TMEM25: variants seen among roughly 807,000 people sequenced by gnomAD.
TMEM25 encodes the protein 0610039J01Rik.
Under a neutral mutation model 37.0 loss-of-function variants are expected in TMEM25, and 36 were observed. The ratio of observed to expected loss-of-function variants is 0.97; its 90% CI spans 0.75 to 1.28. The LOEUF (loss-of-function observed/expected upper bound fraction) is 1.28, where lower values mean the gene tolerates loss of function less well. Among genes scored for constraint, TMEM25 ranks in the 50% most tolerant of loss-of-function variants. TMEM25 has a pLI of 0.00. For synonymous variants in TMEM25, 197 were observed against 203.7 expected, an observed-to-expected ratio of 0.97 and a Z score of 0.28; for missense variants, 444 against 477.9, an observed-to-expected ratio of 0.93 and a Z score of 0.66.
chr11:118,535,431 G>A lies in TMEM25; in HGVS notation c.*851G>A. 6.8e-7 allele frequency: 1 copy of A among 1,472,458 alleles called. No individual in the cohort carries two copies. The highest frequency in any genetic ancestry group is 1.3e-5 in the South Asian group (1 of 74,372). The allele number at this position is 1,472,458 out of a possible 1,614,324, so 91.2% of individuals were successfully genotyped here. A position where few individuals can be genotyped will look rare whatever the true frequency, so the allele number is the denominator to read the frequency against. On this transcript the variant is annotated 3_prime_UTR_variant, in exon 9 of 9. Transcript: ENST00000313236. Reference sequence around the variant, plus strand: ...GAGTGAGGGGCCCAGAGCCCTCTTTGTGGCTTCCCCACGTTTGGCCTTCTG... The same window carrying A: ...GAGTGAGGGGCCCAGAGCCCTCTTTATGGCTTCCCCACGTTTGGCCTTCTG...
At chr11:118,545,637 GC>G in intron 8 of TMEM25, 1 of 1,072,044 alleles carries the variant, frequency 9.3e-7, no homozygotes, top group Non-Finnish European at 1.4e-6. Context: ...AGTCACATAA[GC>G]CAAACACCAC....
In TMEM25 at chr11:118,534,189, A is replaced by G; in HGVS notation, c.937+60A>G. ...ATCTCCAGAAGTGCTTCTGAGAAAA[A>G]GAACTTGGTGCTTGGGAGGGGCGAG... On this transcript the variant is annotated intron_variant, in intron 7 of 8. Coordinates refer to ENST00000313236, the MANE Select transcript of TMEM25 (RefSeq NM_032780.4). This position sits in a 1 kb window ranked among gnomAD's most constrained non-coding sequence, Gnocchi z 4.6. 1.2e-6 allele frequency: 2 copies of G among 1,613,328 alleles called. No homozygotes were observed. Among genetic ancestry groups the G allele is most frequent in the Non-Finnish European group, 1.7e-6 (2 of 1,179,380 alleles).
rs782139269 is a variant in TMEM25 at position 118,533,245 on chromosome 11, G to T, written c.673+38G>T. ...AGCAAGCGGCCCTGCAAAGCTTCAG[G>T]TGGGCTCAGGGGTCCCGTCCCCATA... On this transcript the variant is annotated intron_variant, in intron 4 of 8. Coordinates refer to ENST00000313236, the MANE Select transcript of TMEM25 (RefSeq NM_032780.4). The T allele has an allele frequency of 1.6e-5, 25 of 1,564,748 alleles. No homozygotes were observed. The East Asian group carries it at 5.2e-4, about 32-fold the overall frequency.
intron 8 of TMEM25, chr11:118,544,939 T>C: frequency 6.2e-7 from 1 of 1,613,404 alleles, no homozygotes; most frequent in African/African-American, 1.3e-5. Flanking sequence ...AATGTCTCCA[T>C]GTCTCCAGCT....
downstream of TMEM25, among the ~76,000 whole-genome samples, chr11:118,540,361 T>C (rs1470859537): frequency 6.6e-6 from 1 of 152,214 alleles, no homozygotes; most frequent in Non-Finnish European, 1.5e-5. Flanking sequence ...GCCAGCCACC[T>C]GAAAGGAGCT....
At chr11:118,532,891 G>C (rs782691004) in intron 3 of TMEM25, 26 bp from the exon 4 acceptor site, 1 of 1,596,676 alleles carries the variant, frequency 6.3e-7, no homozygotes, top group South Asian at 1.1e-5. Flanking sequence ...TGTGGTGAGA[G>C]CATATTGGCC....
exon 9 of TMEM25, chr11:118,546,382 T>G: frequency 4.0e-6 from 2 of 500,772 alleles, no homozygotes; most frequent in Non-Finnish European, 7.3e-6. Flanking sequence ...TCCCAGCTAC[T>G]TGGGAGGCTG....
intron 8 of TMEM25, chr11:118,545,002 C>T (rs1817019893): frequency 1.2e-6 from 2 of 1,610,046 alleles, no homozygotes; most frequent in Non-Finnish European, 1.7e-6. Flanking sequence ...TCAGCGAGAG[C>T]TTTAAAATGC....
chr11:118,546,073 G>A (rs1261120252), intron 8 of TMEM25: 1 of 715,560 alleles, frequency 1.4e-6, no homozygotes, highest in Admixed American at 2.0e-5. Context: ...ATTAAAACAA[G>A]GTCATTAGGG....
chr11:118,532,081 CA>C, intron 2 of TMEM25, 68 bp from the exon 3 acceptor site: 2 of 1,451,814 alleles, frequency 1.4e-6, no homozygotes, highest in Non-Finnish European at 1.8e-6. Context: ...CTCACTGGGC[CA>C]ATTCCTGGTC....
intron 8 of TMEM25, among the ~76,000 whole-genome samples, chr11:118,544,243 G>A (rs1219079056): frequency 6.6e-6 from 1 of 152,110 alleles, no homozygotes; most frequent in Non-Finnish European, 1.5e-5. Context: ...CTGGATTACC[G>A]CAATAGCTAC....
intron 1 of TMEM25, 120 bp from the exon 2 acceptor site, chr11:118,531,655 G>T: frequency 1.3e-6 from 1 of 791,420 alleles, no homozygotes; most frequent in Non-Finnish European, 2.0e-6. Flanking sequence ...CGCCACTGGG[G>T]GCTGGTCTAC....
chr11:118,544,552 TA>T, intron 8 of TMEM25: 1 of 215,622 alleles, frequency 4.6e-6, no homozygotes, highest in Non-Finnish European at 9.3e-6. Context: ...ATTTGATTTA[TA>T]AAATCTTTAC....
chr11:118,545,129 A>G (rs1951645064), intron 8 of TMEM25: 1 of 828,324 alleles, frequency 1.2e-6, no homozygotes, highest in Non-Finnish European at 1.9e-6. Flanking sequence ...TCCATTCATG[A>G]GGGAACTTGG....
Position 118,533,907 on chromosome 11 carries a change from G to C in TMEM25, c.836+20G>C. ...ATCAAGGTAACTCTTCCTTGGGCTG[G>C]GTGGACAAGCCTAACCGAAATGCAG... On this transcript the variant is annotated intron_variant, in intron 6 of 8. Coordinates refer to ENST00000313236, the MANE Select transcript of TMEM25 (RefSeq NM_032780.4). The C allele has an allele frequency of 1.9e-6, 3 of 1,614,104 alleles. No individual in the cohort carries two copies. Among genetic ancestry groups the C allele is most frequent in the Non-Finnish European group, 2.5e-6 (3 of 1,180,016 alleles).
At chr11:118,546,309 G>A in exon 9 of TMEM25, 1 of 606,890 alleles carries the variant, frequency 1.6e-6, no homozygotes, top group South Asian at 2.0e-5. Flanking sequence ...ACCAGCCTGG[G>A]CAACATGGTG....
At position 118,534,261 on chromosome 11, in the gene TMEM25, A is replaced by G. The variant is rs376699258; in HGVS notation, c.938-5A>G. On this transcript the variant is annotated splice_polypyrimidine_tract_variant and splice_region_variant and intron_variant, in intron 7 of 8. Coordinates refer to ENST00000313236, the MANE Select transcript of TMEM25 (RefSeq NM_032780.4). The surrounding 1 kb of genome is among the most constrained non-coding windows in gnomAD (Gnocchi z 4.6). Reference sequence around the variant, plus strand: ...GTCCTGAACACTGCCCTCTTTGTCAACCAGCAGTGAAACCAGCAGACCGGC... The same window carrying G: ...GTCCTGAACACTGCCCTCTTTGTCAGCCAGCAGTGAAACCAGCAGACCGGC... 3.1e-6 allele frequency: 5 copies of G among 1,614,220 alleles called. No individual in the cohort carries two copies. Among genetic ancestry groups the G allele is most frequent in the South Asian group, 2.2e-5 (2 of 91,082 alleles).
rs782500110 is a variant in TMEM25 at position 118,533,021 on chromosome 11, G to T, written c.487G>T (p.Val163Phe). The change falls in exon 4 of 9, where the codon GTC becomes TTC. Residue 163 changes from valine to phenylalanine, a missense_variant. Coordinates refer to ENST00000313236, the MANE Select transcript of TMEM25 (RefSeq NM_032780.4). Reference protein sequence around the residue: ...ALVRANPPANVTWIDQDGPVT... With the variant: ...ALVRANPPANFTWIDQDGPVT... Reference sequence around the variant, plus strand: ...GGTGCGTGCCAACCCGCCGGCCAATGTCACCTGGATCGACCAGGATGGGCC... The same window carrying T: ...GGTGCGTGCCAACCCGCCGGCCAATTTCACCTGGATCGACCAGGATGGGCC... The T allele has an allele frequency of 4.3e-6, 7 of 1,614,244 alleles. No individual in the cohort carries two copies. Among genetic ancestry groups the T allele is most frequent in the Non-Finnish European group, 5.9e-6 (7 of 1,180,036 alleles).
chr11:118,534,894 C>G lies in TMEM25; in HGVS notation c.*314C>G. 8.1e-7 allele frequency: 1 copy of G among 1,239,904 alleles called. No homozygotes were observed. Among genetic ancestry groups the G allele is most frequent in the Non-Finnish European group, 1.0e-6 (1 of 981,294 alleles). The allele number at this position is 1,239,904 out of a possible 1,614,324, so 76.8% of individuals were successfully genotyped here. A position where few individuals can be genotyped will look rare whatever the true frequency, so the allele number is the denominator to read the frequency against. On this transcript the variant is annotated 3_prime_UTR_variant, in exon 9 of 9. Transcript: ENST00000313236. This position sits in a 1 kb window ranked among gnomAD's most constrained non-coding sequence, Gnocchi z 4.6. ...TTGGCCAGGGGTGTTCAGATGTCAT[C>G]CAGCATCCAAGTGTGGCATGGCCTG...
Sources: gnomAD v4.1 joint callset for allele counts (sites outside exome capture counted in the v4.1 genomes callset) on GRCh38, gnomAD v4.1.1 for gene constraint, Gnocchi (gnomAD v3.1) non-coding constraint, MANE v1.5 for transcripts, NCBI Gene and HGNC (gene_info 2026-07-23, HGNC 2026-07-21) for gene names.